The following PACSIN2 variants were observed in gnomAD, a reference collection of about 807,000 sequenced individuals.
The protein encoded by PACSIN2 is protein kinase C and casein kinase substrate in neurons protein 2.
A neutral mutation model predicts 63.8 loss-of-function variants in PACSIN2; 25 were observed. That is an observed-to-expected ratio of 0.39 (90% CI 0.29 to 0.55). The LOEUF (loss-of-function observed/expected upper bound fraction) is 0.55. PACSIN2 is among the 20% of genes least tolerant of loss of function. PACSIN2 has a pLI of 0.62. For missense variants in PACSIN2, 518 were observed against 646.9 expected (o/e 0.80, Z 2.16); for synonymous variants, 255 against 256.2 (o/e 1.00, Z 0.05).
chr22:42,934,945 T>G (rs1932867495), intron 1 of PACSIN2, among the ~76,000 whole-genome samples: 1 of 152,100 alleles, frequency 6.6e-6, no homozygotes, highest in South Asian at 2.1e-4. Context: ...AGACAGAGTT[T>G]CGCTTTATCG....
intron 2 of PACSIN2, among the ~76,000 whole-genome samples, chr22:42,906,111 G>T (rs1931056644): frequency 1.3e-5 from 2 of 152,268 alleles, no homozygotes; most frequent in Non-Finnish European, 2.9e-5. Context: ...AGTCACTTGT[G>T]GAACTGTCTT....
Position 42,884,472 on chromosome 22 carries a change from G to A in PACSIN2, c.699C>T (p.Cys233=), listed in dbSNP as rs762280315. ...GAAGGCGTTTCTCCTCGAACTGCTG[G>A]CACTGCTCAAACACCTGCTCCATGT... is the stretch of plus-strand genomic sequence containing the variant. ...MENMEQVFEQ[C]QQFEEKRLRF... is the part of the protein sequence containing the mutation. Residue 233 remains cysteine, a synonymous_variant, in exon 6 of 11, where the codon TGC becomes TGT. Transcript: ENST00000263246. 25 of 1,614,028 alleles carry A rather than the reference G, an allele frequency of 1.5e-5. No homozygotes were observed. The highest frequency in any genetic ancestry group is 2.1e-5 in the Non-Finnish European group (25 of 1,179,986).
rs550236940 is a variant in PACSIN2, at chr22:42,870,470, T to A, written c.*887A>T. 6.6e-6 allele frequency: 1 copy of A among 152,326 alleles called. No homozygotes were observed. The highest frequency in any genetic ancestry group is 2.1e-4 in the South Asian group (1 of 4,834). The allele number at this position is 152,326 out of a possible 1,614,324, so 9.4% of individuals were successfully genotyped here. On this transcript the variant is annotated 3_prime_UTR_variant, in exon 11 of 11. Transcript: ENST00000263246. ...TGCTTTAGATTCTCTGAATATCAAA[T>A]AATATATACAGATAGACACTGAGAC...
At chr22:43,008,320 G>A (rs1043544651) in intron 1 of PACSIN2, among the ~76,000 whole-genome samples, 3 of 151,708 alleles carry the variant, frequency 2.0e-5, no homozygotes, top group Non-Finnish European at 4.4e-5. Context: ...GCACAATCTC[G>A]GCTCACTGCA....
At chr22:42,965,757 C>A (rs531160884) in intron 1 of PACSIN2, among the ~76,000 whole-genome samples, 1 of 152,254 alleles carries the variant, frequency 6.6e-6, no homozygotes, top group Admixed American at 6.5e-5. Flanking sequence ...AAAGGCATGA[C>A]AATGACAGTT....
intron 1 of PACSIN2, among the ~76,000 whole-genome samples, chr22:42,976,309 A>G (rs920423682): frequency 6.6e-6 from 1 of 152,210 alleles, no homozygotes; most frequent in African/African-American, 2.4e-5. Flanking sequence ...TGGTTCCTAT[A>G]GAGCAAGGCC....
chr22:42,875,798 AG>A (rs11316887), intron 10 of PACSIN2, among the ~76,000 whole-genome samples: 65,630 of 151,930 alleles, frequency 0.43, 14,695 homozygotes, highest in Non-Finnish European at 0.48. Flanking sequence ...GGCCTCCCAA[AG>A]GTGCTGGGAT....
chr22:42,957,544 G>T (rs1933964051), intron 1 of PACSIN2, among the ~76,000 whole-genome samples: 1 of 152,148 alleles, frequency 6.6e-6, no homozygotes, highest in African/African-American at 2.4e-5. Flanking sequence ...GATTCAAACT[G>T]AATTTTTAGC....
In PACSIN2 at chr22:42,876,297, G is replaced by A. The variant is rs751248087; in HGVS notation, c.1188C>T (p.Thr396=). Residue 396 remains threonine (T), a synonymous_variant, in exon 10 of 11, where the codon ACC becomes ACT. Transcript: ENST00000263246. The part of the protein sequence containing the change: ...SSYEKTQSYP[T]DWSDDESNNP... ...TGTTAGACTCATCGTCTGACCAGTCGGTGGGATAGCTCTGGGTCTTCTCGT... is the reference window on the plus strand; with the variant it reads ...TGTTAGACTCATCGTCTGACCAGTCAGTGGGATAGCTCTGGGTCTTCTCGT... 9.3e-6 allele frequency: 15 copies of A among 1,614,198 alleles called. No homozygotes were observed. Among genetic ancestry groups the A allele is most frequent in the East Asian group, 2.2e-5 (1 of 44,886 alleles).
intron 1 of PACSIN2, among the ~76,000 whole-genome samples, chr22:43,004,230 A>G (rs761783687): frequency 6.6e-6 from 1 of 152,144 alleles, no homozygotes; most frequent in Non-Finnish European, 1.5e-5. Context: ...AGGTTTACTG[A>G]TGGATCAAGT....
At chr22:42,884,645 C>T in intron 5 of PACSIN2, 84 bp from the exon 6 acceptor site, 1 of 988,944 alleles carries the variant, frequency 1.0e-6, no homozygotes, top group Non-Finnish European at 1.5e-6. Context: ...CTCAGGCCTT[C>T]CCAGATTCCA....
At chr22:42,985,470 G>T (rs1922539986) in intron 1 of PACSIN2, among the ~76,000 whole-genome samples, 1 of 152,298 alleles carries the variant, frequency 6.6e-6, no homozygotes, top group African/African-American at 2.4e-5. Context: ...CCCCCCACTG[G>T]CCTCACTTCT....
chr22:42,987,493 C>CACACACACACA (rs1569355103), intron 1 of PACSIN2, among the ~76,000 whole-genome samples: 2 of 91,370 alleles, frequency 2.2e-5, no homozygotes, highest in Admixed American at 1.2e-4. Flanking sequence ...CACACACACA[C>CACACACACACA]CCATGGCACC....
At chr22:42,934,390 C>T (rs925527691) in intron 1 of PACSIN2, among the ~76,000 whole-genome samples, 14 of 152,358 alleles carry the variant, frequency 9.2e-5, no homozygotes, top group African/African-American at 2.6e-4. Context: ...CCCTTCTTGG[C>T]TTCTGTGTAC....
At chr22:43,012,269 G>A (rs1327156426) in intron 1 of PACSIN2, among the ~76,000 whole-genome samples, 1 of 146,074 alleles carries the variant, frequency 6.8e-6, no homozygotes, top group East Asian at 2.0e-4. Context: ...GGAGGCTGAG[G>A]CAGAGGAATC....
intron 1 of PACSIN2, among the ~76,000 whole-genome samples, chr22:42,985,453 G>A (rs2267483): frequency 0.29 from 44,289 of 152,114 alleles, 6,977 homozygotes; most frequent in Middle Eastern, 0.43. Context: ...CCAAGGCTCC[G>A]TTGTGGCCCC....
At chr22:42,975,457 A>AATATATAAAT (rs1555941392) in intron 1 of PACSIN2, among the ~76,000 whole-genome samples, 1 of 140,734 alleles carries the variant, frequency 7.1e-6, no homozygotes, top group African/African-American at 2.8e-5. Flanking sequence ...AATATATACA[A>AATATATAAAT]ATATATATAT....
chr22:42,967,845 G>A (rs57535667), intron 1 of PACSIN2, among the ~76,000 whole-genome samples: 1,540 of 152,240 alleles, frequency 0.01, 27 homozygotes, highest in African/African-American at 0.035. Flanking sequence ...CCGAGATCAC[G>A]CCACTGCACT....
chr22:42,929,133 C>A (rs920315607), intron 1 of PACSIN2, among the ~76,000 whole-genome samples: 1 of 152,248 alleles, frequency 6.6e-6, no homozygotes, highest in Non-Finnish European at 1.5e-5. Flanking sequence ...CTGACGGCCG[C>A]CCTGTGCAAC....
Sources: gnomAD v4.1 joint callset for allele counts (sites outside exome capture counted in the v4.1 genomes callset) on GRCh38, gnomAD v4.1.1 for gene constraint, MANE v1.5 for transcripts, NCBI Gene and HGNC (gene_info 2026-07-23, HGNC 2026-07-21) for gene names.